The following IL1RAPL2 variants were observed in gnomAD, a reference collection of about 807,000 sequenced individuals.
The protein encoded by IL1RAPL2 is interleukin 1 receptor accessory protein like 2, also known as X-linked interleukin-1 receptor accessory protein-like 2.
A neutral mutation model predicts 44.1 loss-of-function variants in IL1RAPL2; 3 were observed. That is an observed-to-expected ratio of 0.07 (90% CI 0.03 to 0.18). The LOEUF (loss-of-function observed/expected upper bound fraction) is 0.18. Among genes scored for constraint, IL1RAPL2 ranks in the 10% least tolerant of loss-of-function variants. IL1RAPL2 has a pLI of 1.00. For synonymous variants in IL1RAPL2, 181 were observed against 178.8 expected (o/e 1.01, Z -0.10); for missense variants, 391 against 496.4 (o/e 0.79, Z 2.02).
rs567734261 is a variant in IL1RAPL2, at chrX:104,858,342, G to A, written c.82+199347G>A. 3.6e-5 allele frequency among the ~76,000 whole-genome samples: 4 copies of A among 111,472 alleles called. No individual in the cohort carries two copies. In the Admixed American group the frequency reaches 3.8e-4, roughly 11 times the overall value. ...TTTATCTACAGTAAAGAGTTTACAG[G>A]ATTTTCAGAAATCAGAGAAGGGCTT... On this transcript the variant is annotated intron_variant, in intron 2 of 10. Transcript: ENST00000372582.
intron 2 of IL1RAPL2, among the ~76,000 whole-genome samples, chrX:104,809,413 G>T (rs1193890052): frequency 1.8e-5 from 2 of 111,446 alleles, no homozygotes; most frequent in Non-Finnish European, 3.8e-5. Flanking sequence ...TTTAATGATT[G>T]CCATTCTAAC....
intron 2 of IL1RAPL2, among the ~76,000 whole-genome samples, chrX:105,151,781 GTA>G (rs111851738): frequency 2.8e-5 from 3 of 106,821 alleles, no homozygotes; most frequent in Admixed American, 1.0e-4. Flanking sequence ...AAACTACAGT[GTA>G]TATATATATA....
intron 1 of IL1RAPL2, among the ~76,000 whole-genome samples, chrX:104,625,782 G>A (rs1317787108): frequency 9.0e-6 from 1 of 111,418 alleles, no homozygotes; most frequent in East Asian, 2.8e-4. Context: ...ATTGCAGTTG[G>A]TGTTTTAGCT....
intron 3 of IL1RAPL2, among the ~76,000 whole-genome samples, chrX:105,210,019 C>G (rs901860609): frequency 4.9e-4 from 54 of 109,912 alleles, no homozygotes; most frequent in African/African-American, 1.7e-3. Context: ...CTTTCCTCCC[C>G]CTCCTCCAGT....
At chrX:104,585,337 T>A (rs867735826) in intron 1 of IL1RAPL2, among the ~76,000 whole-genome samples, 4 of 11,941 alleles carry the variant, frequency 3.3e-4, no homozygotes, top group African/African-American at 8.5e-4. Context: ...TAATATATAT[T>A]ATATATTATA....
intron 2 of IL1RAPL2, among the ~76,000 whole-genome samples, chrX:104,758,385 T>C (rs1932374579): frequency 9.0e-6 from 1 of 111,389 alleles, no homozygotes; most frequent in Non-Finnish European, 1.9e-5. Flanking sequence ...ACATAGAAGC[T>C]CTAACACTTC....
At chrX:104,906,157 A>C (rs2147678004) in intron 2 of IL1RAPL2, among the ~76,000 whole-genome samples, 1 of 111,037 alleles carries the variant, frequency 9.0e-6, no homozygotes, top group Admixed American at 9.6e-5. Context: ...TTGATTTTGT[A>C]TCCTGAGACT....
intron 2 of IL1RAPL2, among the ~76,000 whole-genome samples, chrX:104,660,955 CACACACACACAT>C (rs1930388197): frequency 9.2e-6 from 1 of 109,217 alleles, no homozygotes; most frequent in African/African-American, 3.3e-5. Context: ...TATACACACA[CACACACACACAT>C]ACACACACAC....
chrX:105,700,993 T>C (rs1186469998), intron 6 of IL1RAPL2, among the ~76,000 whole-genome samples: 2 of 111,141 alleles, frequency 1.8e-5, no homozygotes, highest in Non-Finnish European at 3.8e-5. Context: ...TCATCAATAT[T>C]TCCTCCAGGG....
At chrX:104,968,979 CTGTGTGTGTG>C (rs35842489) in intron 2 of IL1RAPL2, among the ~76,000 whole-genome samples, 108 of 82,042 alleles carry the variant, frequency 1.3e-3, no homozygotes, top group African/African-American at 3.4e-3. Context: ...TTGCCTTTTG[CTGTGTGTGTG>C]TGTGTGTGTG....
At chrX:105,051,908 A>G (rs901649848) in intron 2 of IL1RAPL2, among the ~76,000 whole-genome samples, 1 of 112,470 alleles carries the variant, frequency 8.9e-6, no homozygotes. Flanking sequence ...GGACGGGCCA[A>G]TAGGTACAGC....
intron 2 of IL1RAPL2, among the ~76,000 whole-genome samples, chrX:105,080,076 TTA>T (rs1402974551): frequency 8.9e-6 from 1 of 112,258 alleles, no homozygotes. Context: ...TTGTTTAACT[TTA>T]TAGATTCTGG....
In IL1RAPL2 at chrX:105,478,253, T is replaced by C. The variant is rs184102410; in HGVS notation, c.698-6060T>C. ...CTTGAGACATTTCTAGTTTCACAAC[T>C]GGGGGAAGGTCCTACTGGCATCTTT... is the stretch of plus-strand genomic sequence containing the variant. On this transcript the variant is annotated intron_variant, in intron 5 of 10. Coordinates refer to ENST00000372582, the MANE Select transcript of IL1RAPL2 (RefSeq NM_017416.2). Among the ~76,000 whole-genome samples, 4 of 111,364 alleles carry C rather than the reference T, an allele frequency of 3.6e-5. No individual in the cohort carries two copies. In the Admixed American group the frequency reaches 3.8e-4, roughly 11 times the overall value.
chrX:105,328,007 A>G (rs1361067676), intron 5 of IL1RAPL2, among the ~76,000 whole-genome samples: 1 of 111,910 alleles, frequency 8.9e-6, no homozygotes, highest in Non-Finnish European at 1.9e-5. Context: ...ATGTGATTTC[A>G]GCATTCTTTC....
rs1190277742 is a variant in IL1RAPL2 at position 104,912,219 on chromosome X, G to A, written c.82+253224G>A. 2.7e-5 allele frequency among the ~76,000 whole-genome samples: 3 copies of A among 109,218 alleles called. No individual in the cohort carries two copies. The East Asian group carries it at 8.6e-4, about 31-fold the overall frequency. The allele number at this position is 109,218 out of a possible 115,157, so 94.8% of individuals were successfully genotyped here. Reference sequence around the variant, plus strand: ...TGTATTTCTAACACCTAGAAGGCTGGGGAGGCACTAAATATATATTGCATG... The same window carrying A: ...TGTATTTCTAACACCTAGAAGGCTGAGGAGGCACTAAATATATATTGCATG... On this transcript the variant is annotated intron_variant, in intron 2 of 10. Transcript: ENST00000372582.
At chrX:104,758,445 C>T (rs1030869104) in intron 2 of IL1RAPL2, among the ~76,000 whole-genome samples, 1 of 111,088 alleles carries the variant, frequency 9.0e-6, no homozygotes, top group Non-Finnish European at 1.9e-5. Flanking sequence ...GGATTACCCT[C>T]CCCCTTCTCT....
At chrX:105,569,198 A>G (rs973603799) in intron 6 of IL1RAPL2, among the ~76,000 whole-genome samples, 1 of 111,744 alleles carries the variant, frequency 8.9e-6, no homozygotes, top group African/African-American at 3.2e-5. Flanking sequence ...ATTACCTTTT[A>G]TTTAATTAAT....
At chrX:104,781,809 A>C (rs766291380) in intron 2 of IL1RAPL2, among the ~76,000 whole-genome samples, 1 of 112,340 alleles carries the variant, frequency 8.9e-6, no homozygotes, top group African/African-American at 3.2e-5. Context: ...GTGTCTAGCC[A>C]GAATGCTGTG....
intron 2 of IL1RAPL2, among the ~76,000 whole-genome samples, chrX:104,669,984 C>G (rs1365042914): frequency 1.8e-5 from 2 of 111,849 alleles, no homozygotes; most frequent in Admixed American, 1.9e-4. Context: ...AGTTTGAATT[C>G]TCAAATATCT....
Sources: gnomAD v4.1 joint callset for allele counts (sites outside exome capture counted in the v4.1 genomes callset) on GRCh38, gnomAD v4.1.1 for gene constraint, MANE v1.5 for transcripts, NCBI Gene and HGNC (gene_info 2026-07-23, HGNC 2026-07-21) for gene names.